The following PHF20 variants were observed in gnomAD, a reference collection of about 807,000 sequenced individuals.
PHF20 encodes glioma-expressed antigen 2.
A neutral mutation model predicts 113.5 loss-of-function variants in PHF20; 23 were observed. The observed-to-expected ratio is 0.20, with a 90% CI of 0.15 to 0.29. The LOEUF (loss-of-function observed/expected upper bound fraction) is 0.29, where lower values mean the gene tolerates loss of function less well. Ranked by LOEUF, PHF20 falls within the 10% of genes least tolerant of loss-of-function variation. The pLI, the probability that PHF20 is intolerant of heterozygous loss-of-function variation, is 1.00. For missense variants in PHF20, 943 were observed against 1,219.6 expected (o/e 0.77, Z 3.38); for synonymous variants, 434 against 457.3 (o/e 0.95, Z 0.65).
chr20:35,778,810 C>T (rs6121043), intron 1 of PHF20, among the ~76,000 whole-genome samples: 1 of 151,676 alleles, frequency 6.6e-6, no homozygotes, highest in Non-Finnish European at 1.5e-5. Context: ...GACAACTTTG[C>T]TAGATCTTGG....
chr20:35,801,657 C>T (rs759494109), intron 2 of PHF20, 52 bp downstream of exon 2: 3 of 1,222,814 alleles, frequency 2.5e-6, no homozygotes, highest in Non-Finnish European at 3.6e-6. Flanking sequence ...GGATTTTTGC[C>T]AGCACTGATA....
rs985437798 is a variant in PHF20, at chr20:35,923,327, A to G, written c.2005-4453A>G. ...AAGAAGCCCATTTTAATGGCCTAGC[A>G]CTGTGGCTCACACCCGTAATCCTAG... is the stretch of plus-strand genomic sequence containing the variant. On this transcript the variant is annotated intron_variant, in intron 13 of 17. Coordinates refer to ENST00000374012, the MANE Select transcript of PHF20 (RefSeq NM_016436.5). Among the ~76,000 whole-genome samples, 29 of 151,980 alleles carry G rather than the reference A, an allele frequency of 1.9e-4. 1 individual carries two copies. Among genetic ancestry groups the G allele is most frequent in the Admixed American group, 1.8e-3 (27 of 15,238 alleles).
At chr20:35,877,279 CAAAAAAA>C (rs1246687018) in intron 9 of PHF20, among the ~76,000 whole-genome samples, 6 of 12,976 alleles carry the variant, frequency 4.6e-4, no homozygotes, top group Non-Finnish European at 9.2e-4. Context: ...GACTCCATCT[CAAAAAAA>C]AAAAAAAAAA....
At chr20:35,831,770 G>C (rs999305600) in intron 2 of PHF20, among the ~76,000 whole-genome samples, 1 of 152,166 alleles carries the variant, frequency 6.6e-6, no homozygotes, top group African/African-American at 2.4e-5. Context: ...AGTAGTTCTT[G>C]ATTATATGGT....
At chr20:35,801,683 CT>C (rs1569126123) in intron 2 of PHF20, 78 bp downstream of exon 2, 6 of 879,360 alleles carry the variant, frequency 6.8e-6, no homozygotes, top group Admixed American at 2.3e-5. Flanking sequence ...GTAGCTTAGG[CT>C]TTTTTTGTGG....
chr20:35,869,816 T>G (rs952792181), intron 7 of PHF20, among the ~76,000 whole-genome samples: 23 of 152,170 alleles, frequency 1.5e-4, no homozygotes, highest in African/African-American at 5.5e-4. Flanking sequence ...CACTGGAAAT[T>G]TAATGGCTTA....
chr20:35,928,513 C>T (rs1007516397), intron 14 of PHF20: 4 of 148,530 alleles, frequency 2.7e-5, no homozygotes, highest in African/African-American at 7.5e-5. Context: ...TAACTATAAG[C>T]ACAATGTCGT....
chr20:35,841,788 A>C (rs1445731323), intron 2 of PHF20, among the ~76,000 whole-genome samples: 1 of 152,072 alleles, frequency 6.6e-6, no homozygotes, highest in Non-Finnish European at 1.5e-5. Context: ...AACAAACAAC[A>C]ACCAAAAAAA....
At chr20:35,933,651 C>T (rs760664918) in intron 15 of PHF20, among the ~76,000 whole-genome samples, 4 of 152,152 alleles carry the variant, frequency 2.6e-5, no homozygotes, top group Non-Finnish European at 2.9e-5. Context: ...CCTGCCTCAG[C>T]CTCCCAAAGT....
At chr20:35,871,219 A>G in intron 8 of PHF20, 85 bp downstream of exon 8, 2 of 1,089,450 alleles carry the variant, frequency 1.8e-6, no homozygotes, top group Middle Eastern at 4.1e-4. Context: ...TCTGCCTTCC[A>G]CAAGTATTAA....
chr20:35,879,204 T>C (rs2054583057), intron 9 of PHF20, among the ~76,000 whole-genome samples: 1 of 152,210 alleles, frequency 6.6e-6, no homozygotes, highest in Non-Finnish European at 1.5e-5. Context: ...GTGCATGGAC[T>C]ATAACTTGTA....
chr20:35,832,068 T>C (rs923844768), intron 2 of PHF20, among the ~76,000 whole-genome samples: 2 of 152,180 alleles, frequency 1.3e-5, no homozygotes, highest in African/African-American at 4.8e-5. Flanking sequence ...TTGAATTTCC[T>C]TGTCCTCTTT....
At chr20:35,938,617 G>T in intron 15 of PHF20, 80 bp from the exon 16 acceptor site, 1 of 1,379,224 alleles carries the variant, frequency 7.3e-7, no homozygotes. Flanking sequence ...TGTCCCTACT[G>T]GGAGAGTATT....
chr20:35,868,031 C>T (rs1454723359), intron 6 of PHF20, among the ~76,000 whole-genome samples: 1 of 152,132 alleles, frequency 6.6e-6, no homozygotes, highest in African/African-American at 2.4e-5. Flanking sequence ...TGGTGGCTCA[C>T]GCCTGTAATC....
At chr20:35,780,546 CTTTTCT>C (rs1300203205) in intron 1 of PHF20, among the ~76,000 whole-genome samples, 2 of 89,900 alleles carry the variant, frequency 2.2e-5, no homozygotes, top group East Asian at 3.9e-4. Flanking sequence ...TCTTTTTTTT[CTTTTCT>C]TTTTTTTTTT....
chr20:35,836,736 C>G (rs937495537), intron 2 of PHF20, among the ~76,000 whole-genome samples: 1 of 149,848 alleles, frequency 6.7e-6, no homozygotes, highest in Admixed American at 6.7e-5. Context: ...CCCAGCTACT[C>G]GGGAGGCTGA....
At chr20:35,929,777 C>T (rs920759212) in intron 14 of PHF20, among the ~76,000 whole-genome samples, 1 of 152,270 alleles carries the variant, frequency 6.6e-6, no homozygotes, top group African/African-American at 2.4e-5. Context: ...CTGAGCACAG[C>T]ATGTCTGCCA....
chr20:35,938,643 C>T lies in PHF20; in HGVS notation c.2301-54C>T, dbSNP rs539472835. 46 of 1,514,190 alleles carry T rather than the reference C, an allele frequency of 3.0e-5. 3 individuals carry two copies. In the South Asian group the frequency reaches 5.5e-4, roughly 18 times the overall value. The allele number at this position is 1,514,190 out of a possible 1,614,324, so 93.8% of individuals were successfully genotyped here. On this transcript the variant is annotated intron_variant, in intron 15 of 17. Coordinates refer to ENST00000374012, the MANE Select transcript of PHF20 (RefSeq NM_016436.5). ...GGAGAGTATTTAGGAATTGAGAACC[C>T]CTGCAATGGTGCCAGTTACTCCAAA...
At chr20:35,926,540 A>G (rs1055609086) in intron 13 of PHF20, among the ~76,000 whole-genome samples, 1 of 151,682 alleles carries the variant, frequency 6.6e-6, no homozygotes, top group Non-Finnish European at 1.5e-5. Context: ...CGCCCGGCCG[A>G]CAGACTTTCA....
Sources: gnomAD v4.1 joint callset for allele counts (sites outside exome capture counted in the v4.1 genomes callset) on GRCh38, gnomAD v4.1.1 for gene constraint, MANE v1.5 for transcripts, NCBI Gene and HGNC (gene_info 2026-07-23, HGNC 2026-07-21) for gene names.